The following BASP1 variants were observed in gnomAD, a reference collection of about 807,000 sequenced individuals.
BASP1 encodes brain abundant membrane attached signal protein 1.
In BASP1, 1 loss-of-function variant was observed where a neutral mutation model predicts 2.2. The ratio of observed to expected loss-of-function variants is 0.46; its 90% CI spans 0.16 to 2.17. BASP1 has a LOEUF of 2.17. Among genes scored for constraint, BASP1 ranks in the 30% most tolerant of loss-of-function variants. The pLI is 0.27. For synonymous variants in BASP1, 187 were observed against 154.2 expected, an observed-to-expected ratio of 1.21 and a Z score of -1.58; for missense variants, 352 against 327.2, an observed-to-expected ratio of 1.08 and a Z score of -0.58.
chr5:17,272,034 A>C (rs926860334), intron 1 of BASP1, among the ~76,000 whole-genome samples: 1 of 150,014 alleles, frequency 6.7e-6, no homozygotes, highest in East Asian at 2.0e-4. Context: ...CTGCTGCTGC[A>C]CTCCAGCCTA....
At chr5:17,259,403 T>C (rs533499801) in intron 1 of BASP1, among the ~76,000 whole-genome samples, 12 of 152,320 alleles carry the variant, frequency 7.9e-5, no homozygotes, top group Admixed American at 2.6e-4. Context: ...CATATCAGCA[T>C]AGTATTCATC....
intron 1 of BASP1, among the ~76,000 whole-genome samples, chr5:17,262,034 C>T (rs1306465896): frequency 1.3e-5 from 2 of 152,176 alleles, no homozygotes; most frequent in African/African-American, 4.8e-5. Context: ...CAGCATATGC[C>T]TCCTCCAAGC....
chr5:17,229,784 G>GTTT (rs60139148), intron 1 of BASP1, among the ~76,000 whole-genome samples: 2 of 128,940 alleles, frequency 1.6e-5, no homozygotes, highest in Non-Finnish European at 1.6e-5. Context: ...GTAGGATTGG[G>GTTT]TTTTTTTTTT....
At chr5:17,232,320 G>T (rs1406371080) in intron 1 of BASP1, among the ~76,000 whole-genome samples, 1 of 152,182 alleles carries the variant, frequency 6.6e-6, no homozygotes, top group Non-Finnish European at 1.5e-5. Context: ...AATCATTATT[G>T]AACAACTTAA....
intron 1 of BASP1, among the ~76,000 whole-genome samples, chr5:17,268,230 C>T (rs1160393377): frequency 6.6e-6 from 1 of 152,192 alleles, no homozygotes; most frequent in Non-Finnish European, 1.5e-5. Flanking sequence ...AAACTTCATA[C>T]TGAGTGCTAG....
rs1046623580 is a variant in BASP1, at chr5:17,240,847, G to A, written c.-10+23037G>A. 4.6e-5 allele frequency: 7 copies of A among 151,942 alleles called. No homozygotes were observed. In the South Asian group the frequency reaches 1.2e-3, roughly 27 times the overall value. 9.4% of individuals were successfully genotyped at this position (151,942 alleles called of 1,614,324 possible). A position where few individuals can be genotyped will look rare whatever the true frequency, so the allele number is the denominator to read the frequency against. On this transcript the variant is annotated intron_variant, in intron 1 of 1. Transcript: ENST00000322611. The stretch of plus-strand genomic sequence containing the variant: ...TACCCAATCTAAGGTATTTTGTTAG[G>A]GTACCTACTAAACAAAAAGATAAAA...
intron 1 of BASP1, among the ~76,000 whole-genome samples, chr5:17,262,542 T>C (rs968645025): frequency 2.0e-5 from 3 of 152,176 alleles, no homozygotes; most frequent in Non-Finnish European, 4.4e-5. Flanking sequence ...AGCTAATGAG[T>C]TGATATGTGT....
intron 1 of BASP1, among the ~76,000 whole-genome samples, chr5:17,267,419 GAGA>G (rs1262848580): frequency 2.6e-5 from 4 of 152,046 alleles, no homozygotes; most frequent in African/African-American, 4.8e-5. Context: ...ACATTATTCT[GAGA>G]AGATTTTCTA....
Position 17,275,375 on chromosome 5 carries a change from G to A in BASP1, c.159G>A (p.Glu53=), listed in dbSNP as rs1740616997. The part of the protein sequence containing the change: ...QAAAEPAEAK[E]GKEKPDQDAE... ...CCGCAGAGCCCGCCGAGGCCAAGGA[G>A]GGCAAGGAGAAGCCCGACCAGGACG... Residue 53 remains glutamate, a synonymous_variant, in exon 2 of 2, where the codon GAG becomes GAA. Coordinates refer to ENST00000322611, the MANE Select transcript of BASP1 (RefSeq NM_006317.5). This position sits in a 1 kb window ranked among gnomAD's most constrained non-coding sequence, Gnocchi z 5.3. 8 of 1,599,868 alleles carry A rather than the reference G, an allele frequency of 5.0e-6. No homozygotes were observed. In the East Asian group the frequency reaches 1.4e-4, roughly 27 times the overall value.
chr5:17,237,342 T>TCAAAA (rs934369157), intron 1 of BASP1, among the ~76,000 whole-genome samples: 15 of 151,868 alleles, frequency 9.9e-5, no homozygotes, highest in African/African-American at 9.7e-5. Context: ...AGACTCCGTC[T>TCAAAA]CAAAACAAAA....
chr5:17,275,665 A>C lies in BASP1; in HGVS notation c.449A>C (p.Lys150Thr). 6.4e-7 allele frequency: 1 copy of C among 1,552,592 alleles called. No individual in the cohort carries two copies. Among genetic ancestry groups the C allele is most frequent in the Non-Finnish European group, 8.7e-7 (1 of 1,150,036 alleles). The change falls in exon 2 of 2, where the codon AAG becomes ACG. Residue 150 changes from lysine (K) to threonine (T), a missense_variant. Coordinates refer to ENST00000322611, the MANE Select transcript of BASP1 (RefSeq NM_006317.5). The surrounding 1 kb of genome is among the most constrained non-coding windows in gnomAD (Gnocchi z 5.3). ...AGCAAGGAGGAAGGGGAACCCAAAAAGACTGAGGCGCCCGCAGCTCCTGCC... is the reference window on the plus strand; with the variant it reads ...AGCAAGGAGGAAGGGGAACCCAAAACGACTGAGGCGCCCGCAGCTCCTGCC... ...EPSKEEGEPKKTEAPAAPAAQ... is the reference protein window; with the variant it reads ...EPSKEEGEPKTTEAPAAPAAQ...
At chr5:17,230,635 C>G (rs1187940550) in intron 1 of BASP1, among the ~76,000 whole-genome samples, 1 of 152,056 alleles carries the variant, frequency 6.6e-6, no homozygotes, top group Admixed American at 6.6e-5. Flanking sequence ...GTGATCTCAT[C>G]TCACTGCAAC....
chr5:17,234,411 C>A (rs536515482), intron 1 of BASP1, among the ~76,000 whole-genome samples: 2 of 152,182 alleles, frequency 1.3e-5, no homozygotes, highest in South Asian at 2.1e-4. Flanking sequence ...TTAAAAGGTA[C>A]AAATAATTGC....
chr5:17,239,385 A>G (rs963846089), intron 1 of BASP1, among the ~76,000 whole-genome samples: 1 of 152,058 alleles, frequency 6.6e-6, no homozygotes, highest in East Asian at 1.9e-4. Context: ...GAGCCACTGC[A>G]CCCGGCCCAG....
At position 17,260,014 on chromosome 5, in the gene BASP1, G is replaced by A. The variant is rs374584149; in HGVS notation, c.-9-15194G>A. ...TCTCTGCAGTTTGCATTTCCTGAGC[G>A]GGTTGTGGTTCACTTACTCCCTTTA... On this transcript the variant is annotated intron_variant, in intron 1 of 1. Transcript: ENST00000322611. This position sits in a 1 kb window ranked among gnomAD's most constrained non-coding sequence, Gnocchi z 4.2. Among the ~76,000 whole-genome samples the A allele has an allele frequency of 2.6e-5, 4 of 152,158 alleles. No homozygotes were observed. Among genetic ancestry groups the A allele is most frequent in the East Asian group, 1.9e-4 (1 of 5,192 alleles).
intron 1 of BASP1, among the ~76,000 whole-genome samples, chr5:17,224,745 C>T (rs1241586174): frequency 2.0e-5 from 3 of 152,152 alleles, no homozygotes; most frequent in African/African-American, 7.2e-5. Context: ...TTGGTTGATA[C>T]TTTCACGTTT....
chr5:17,217,091 A>AGAGAGAGAGAGAGAGAGAGTGAGAGT (rs1739262183), upstream of BASP1: 2 of 142,572 alleles, frequency 1.4e-5, no homozygotes, highest in African/African-American at 5.4e-5. Context: ...AGAGAGAGAG[A>AGAGAGAGAGAGAGAGAGAGTGAGAGT]GAGAGTGAGT....
At chr5:17,258,207 G>A (rs565076027) in intron 1 of BASP1, among the ~76,000 whole-genome samples, 39 of 152,116 alleles carry the variant, frequency 2.6e-4, no homozygotes, top group Non-Finnish European at 5.1e-4. Flanking sequence ...GACACCACCT[G>A]TTCTGTGCAC....
chr5:17,231,683 C>G (rs1361070961), intron 1 of BASP1, among the ~76,000 whole-genome samples: 1 of 152,154 alleles, frequency 6.6e-6, no homozygotes, highest in Non-Finnish European at 1.5e-5. Flanking sequence ...GTCACTCTTG[C>G]AAAGATGTTC....
Sources: allele counts gnomAD v4.1 joint callset (sites outside exome capture counted in the v4.1 genomes callset), GRCh38; gene constraint gnomAD v4.1.1; non-coding constraint Gnocchi (gnomAD v3.1); transcripts MANE v1.5; gene names NCBI Gene and HGNC (gene_info 2026-07-23, HGNC 2026-07-21).